The following OTOGL variants were observed in gnomAD, a reference collection of about 807,000 sequenced individuals.
OTOGL encodes otogelin like, also known as otogelin-like protein.
Under a neutral mutation model 318.5 loss-of-function variants are expected in OTOGL, and 285 were observed. That is an observed-to-expected ratio of 0.89 (90% confidence interval 0.81 to 0.99). The LOEUF is 0.99. OTOGL is among the 50% of genes least tolerant of loss of function. The pLI is 0.00. For synonymous variants in OTOGL, 987 were observed against 936.5 expected, an observed-to-expected ratio of 1.05 and a Z score of -0.99; for missense variants, 2,899 against 2,845.6, an observed-to-expected ratio of 1.02 and a Z score of -0.43.
chr12:80,188,594 T>C (rs185729833), intron 1 of OTOGL, among the ~76,000 whole-genome samples: 1 of 151,438 alleles, frequency 6.6e-6, no homozygotes, highest in East Asian at 1.9e-4. Context: ...GCCTTCTCTT[T>C]AGCATTATAA....
intron 1 of OTOGL, among the ~76,000 whole-genome samples, chr12:80,146,421 G>A (rs1318060310): frequency 6.6e-6 from 1 of 151,212 alleles, no homozygotes; most frequent in Non-Finnish European, 1.5e-5. Flanking sequence ...CTTGATCATG[G>A]TGGATAAGCT....
intron 1 of OTOGL, among the ~76,000 whole-genome samples, chr12:80,157,135 A>T (rs773897424): frequency 6.6e-6 from 1 of 152,074 alleles, no homozygotes; most frequent in Non-Finnish European, 1.5e-5. Context: ...AAGCCATTTA[A>T]TTGAGGTGAG....
rs1205303515 is a variant in OTOGL at position 80,253,560 on chromosome 12, AGAATGTACT to A, written c.1386_1394del (p.Thr463_Cys465del). 1 of 1,608,432 alleles carries A rather than the reference AGAATGTACT, an allele frequency of 6.2e-7. No individual in the cohort carries two copies. Among genetic ancestry groups the A allele is most frequent in the Non-Finnish European group, 8.5e-7 (1 of 1,175,062 alleles). On this transcript the variant is annotated inframe_deletion, in exon 14 of 59. Coordinates refer to ENST00000547103, the MANE Select transcript of OTOGL (RefSeq NM_001378609.3). The stretch of plus-strand genomic sequence containing the variant: ...ATTCAGTTGGTTCAAAAATTGAACA[AGAATGTACT>A]GAATGGTATGTGATCAGTGTGCAGC...
At position 80,320,559 on chromosome 12, in the gene OTOGL, G is replaced by A. The variant is rs1248950617; in HGVS notation, c.3940G>A (p.Gly1314Ser). 1 of 1,613,446 alleles carries A rather than the reference G, an allele frequency of 6.2e-7. No homozygotes were observed. Among genetic ancestry groups the A allele is most frequent in the Admixed American group, 1.7e-5 (1 of 59,900 alleles). ...GAGAGCAACATTTTTCCACCATCAG[G>A]GCCTCTGGATTCCTGGTTACAGTGC... is the stretch of plus-strand genomic sequence containing the variant. ...HRRATFFHHQGLWIPGYSAFE... is the reference protein window; with the variant it reads ...HRRATFFHHQSLWIPGYSAFE... Residue 1314 changes from glycine to serine, a missense_variant, in exon 34 of 59, where the codon GGC becomes AGC. Physicochemically the swap from Gly to Ser is moderately conservative, Grantham distance 56 (BLOSUM62 0). Transcript: ENST00000547103.
intron 1 of OTOGL, among the ~76,000 whole-genome samples, chr12:80,135,275 C>T (rs1592482185): frequency 7.6e-6 from 1 of 132,064 alleles, no homozygotes; most frequent in African/African-American, 2.8e-5. Flanking sequence ...CTCCCCTCCC[C>T]TCCCCTTCCC....
At chr12:80,178,061 C>CTTTTTTTTTT (rs71094968) in intron 1 of OTOGL, among the ~76,000 whole-genome samples, 12 of 74,916 alleles carry the variant, frequency 1.6e-4, no homozygotes, top group Admixed American at 3.4e-4. Context: ...TTCTTTCTTT[C>CTTTTTTTTTT]TTTTTTTTTT....
Position 80,258,788 on chromosome 12 carries a change from TGG to T in OTOGL, c.1889+787_1889+788del, listed in dbSNP as rs1192317820. On this transcript the variant is annotated intron_variant, in intron 18 of 58. Coordinates refer to ENST00000547103, the MANE Select transcript of OTOGL (RefSeq NM_001378609.3). ...ATCACAGAAGCAAAGTATTATAGAA[TGG>T]TGTTTGCCAGAGGATAAGGGTCGGG... is the stretch of plus-strand genomic sequence containing the variant. Among the ~76,000 whole-genome samples, 348 of 152,080 alleles carry T rather than the reference TGG, an allele frequency of 2.3e-3. 4 individuals are homozygous for T. Among genetic ancestry groups the T allele is most frequent in the African/African-American group, 8.0e-3 (333 of 41,504 alleles).
chr12:80,162,143 C>T (rs73356948), intron 1 of OTOGL, among the ~76,000 whole-genome samples: 4,289 of 152,200 alleles, frequency 0.028, 198 homozygotes, highest in African/African-American at 0.097. Context: ...TTGGAATTAT[C>T]ATTCTAAGGT....
intron 26 of OTOGL, among the ~76,000 whole-genome samples, chr12:80,294,274 A>G (rs772513520): frequency 6.6e-6 from 1 of 152,008 alleles, no homozygotes; most frequent in Non-Finnish European, 1.5e-5. Context: ...TTGTAAGACA[A>G]AGCATACAAG....
chr12:80,286,463 T>A (rs1033917271), intron 26 of OTOGL, among the ~76,000 whole-genome samples: 13 of 152,208 alleles, frequency 8.5e-5, no homozygotes, highest in Admixed American at 5.2e-4. Context: ...AGCTCCTTTT[T>A]GTAACTCTGG....
intron 1 of OTOGL, among the ~76,000 whole-genome samples, chr12:80,184,092 T>C (rs1022777047): frequency 5.3e-5 from 8 of 152,340 alleles, no homozygotes; most frequent in Admixed American, 5.2e-4. Flanking sequence ...CTGTAGTTTA[T>C]GTTTAAACTA....
chr12:80,229,653 T>G (rs1415563946), intron 8 of OTOGL, among the ~76,000 whole-genome samples: 1 of 152,246 alleles, frequency 6.6e-6, no homozygotes. Context: ...TCTCTCTTTT[T>G]TTTTTTCTGA....
chr12:80,346,471 G>T (rs1889204840), intron 44 of OTOGL, among the ~76,000 whole-genome samples: 1 of 152,194 alleles, frequency 6.6e-6, no homozygotes, highest in Non-Finnish European at 1.5e-5. Flanking sequence ...GGCAGGTATA[G>T]TAAGGTAGCT....
chr12:80,377,578 T>A (rs1891237303), intron 58 of OTOGL, among the ~76,000 whole-genome samples: 1 of 152,166 alleles, frequency 6.6e-6, no homozygotes, highest in African/African-American at 2.4e-5. Context: ...TTAACTATAT[T>A]GTGATTAACA....
intron 1 of OTOGL, among the ~76,000 whole-genome samples, chr12:80,120,141 C>G (rs2137096841): frequency 6.6e-6 from 1 of 152,048 alleles, no homozygotes; most frequent in South Asian, 2.1e-4. Context: ...GATTATTTCA[C>G]CACAACATTT....
intron 26 of OTOGL, among the ~76,000 whole-genome samples, chr12:80,284,890 C>T (rs1884497139): frequency 3.3e-5 from 5 of 152,128 alleles, no homozygotes; most frequent in Admixed American, 3.3e-4. Flanking sequence ...AATTAGATCC[C>T]ATTTGTCAAT....
rs1344524835 is a variant in OTOGL, at chr12:80,252,119, T to G, written c.1203T>G (p.Ser401Arg). The change falls in exon 13 of 59, where the codon AGT (serine) becomes AGG (arginine). Residue 401 changes from serine to arginine, a missense_variant. Transcript: ENST00000547103. ...DDSFVHRDCI[S>R]CCPPTCTFEK... ...GCTTTGTCCATCGGGACTGTATCAG[T>G]TGTTGTCCACCAACCTGCACATTTG... The G allele has an allele frequency of 2.6e-6, 4 of 1,563,972 alleles. No homozygotes were observed. The East Asian group carries it at 9.4e-5, about 37-fold the overall frequency.
At chr12:80,226,900 A>G (rs1390677732) in intron 7 of OTOGL, among the ~76,000 whole-genome samples, 1 of 152,166 alleles carries the variant, frequency 6.6e-6, no homozygotes, top group Non-Finnish European at 1.5e-5. Context: ...TTAATTTAAA[A>G]ATCACTTTCA....
At chr12:80,292,152 C>T (rs978012979) in intron 26 of OTOGL, among the ~76,000 whole-genome samples, 2 of 152,022 alleles carry the variant, frequency 1.3e-5, no homozygotes, top group African/African-American at 4.8e-5. Context: ...CCACACCTGG[C>T]TAATTTTGTA....
Sources: allele counts gnomAD v4.1 joint callset (sites outside exome capture counted in the v4.1 genomes callset), GRCh38; gene constraint gnomAD v4.1.1; transcripts MANE v1.5; gene names NCBI Gene and HGNC (gene_info 2026-07-23, HGNC 2026-07-21).